Variants in GALNT13 observed in about 807,000 individuals in gnomAD.
The protein encoded by GALNT13 is polypeptide N-acetylgalactosaminyltransferase 13.
Under a neutral mutation model 64.2 loss-of-function variants are expected in GALNT13, and 28 were observed. The observed-to-expected ratio is 0.44, with a 90% confidence interval of 0.32 to 0.60. The LOEUF (loss-of-function observed/expected upper bound fraction) is 0.60, where lower values mean the gene tolerates loss of function less well. Ranked by LOEUF, GALNT13 falls within the 20% of genes least tolerant of loss-of-function variation. The probability of loss-of-function intolerance (pLI) is 0.05; values close to 1 mark genes in which losing one functional copy is unlikely to be tolerated. For synonymous variants in GALNT13, 214 were observed against 224.6 expected, an observed-to-expected ratio of 0.95 and a Z score of 0.42; for missense variants, 577 against 669.8, an observed-to-expected ratio of 0.86 and a Z score of 1.53.
At chr2:153,585,688 C>T in the GALNT13 span, among the ~76,000 whole-genome samples, 2 of 151,990 alleles carry the variant, frequency 1.3e-5, no homozygotes, top group Admixed American at 6.6e-5. Context: ...GAGGAAACTG[C>T]TCGGTCATCT....
chr2:154,351,819 G>A (rs1465497173), intron 9 of GALNT13, among the ~76,000 whole-genome samples: 3 of 149,584 alleles, frequency 2.0e-5, no homozygotes, highest in African/African-American at 7.4e-5. Context: ...GAATAGTGTA[G>A]GTTCTAAACA....
the GALNT13 span, among the ~76,000 whole-genome samples, chr2:153,622,987 C>T: frequency 6.6e-6 from 1 of 152,048 alleles, no homozygotes; most frequent in Non-Finnish European, 1.5e-5. Flanking sequence ...CTTGTAAGGT[C>T]TGTGATAATA....
At chr2:154,447,046 T>C (rs1701623324) in intron 12 of GALNT13, among the ~76,000 whole-genome samples, 1 of 151,754 alleles carries the variant, frequency 6.6e-6, no homozygotes, top group Non-Finnish European at 1.5e-5. Context: ...TATTATGAAA[T>C]ATTAACTCTC....
chr2:153,495,008 T>C, the GALNT13 span, among the ~76,000 whole-genome samples: 1 of 152,110 alleles, frequency 6.6e-6, no homozygotes, highest in Admixed American at 6.6e-5. Flanking sequence ...GCATTTAAAA[T>C]CAGAATGAGA....
chr2:154,085,099 G>A (rs1394552864), intron 3 of GALNT13, among the ~76,000 whole-genome samples: 1 of 151,884 alleles, frequency 6.6e-6, no homozygotes, highest in Non-Finnish European at 1.5e-5. Context: ...AGGCATGGTA[G>A]TCCTCCTTCC....
At chr2:153,203,405 G>C in the GALNT13 span, among the ~76,000 whole-genome samples, 1 of 152,162 alleles carries the variant, frequency 6.6e-6, no homozygotes, top group African/African-American at 2.4e-5. Context: ...AGGCAATATA[G>C]TTTAACATTA....
chr2:154,309,225 C>T (rs926682624), intron 9 of GALNT13, among the ~76,000 whole-genome samples: 3 of 152,150 alleles, frequency 2.0e-5, no homozygotes, highest in African/African-American at 7.2e-5. Flanking sequence ...CTTACATTTT[C>T]CTAGATTCCT....
the GALNT13 span, among the ~76,000 whole-genome samples, chr2:153,254,279 A>C: frequency 3.9e-5 from 6 of 151,996 alleles, no homozygotes; most frequent in African/African-American, 1.5e-4. Context: ...GTATTCTCTG[A>C]TGGTAGTTTG....
chr2:154,382,601 C>G (rs1337250879), intron 9 of GALNT13, among the ~76,000 whole-genome samples: 2 of 151,938 alleles, frequency 1.3e-5, no homozygotes, highest in South Asian at 2.1e-4. Flanking sequence ...AAATTTTCCT[C>G]ATAGATTGTT....
the GALNT13 span, among the ~76,000 whole-genome samples, chr2:153,147,709 A>G: frequency 2.0e-5 from 3 of 151,788 alleles, no homozygotes; most frequent in Non-Finnish European, 4.4e-5. Flanking sequence ...CAATGGATTT[A>G]TAGGGAAATT....
At chr2:153,129,790 G>A in the GALNT13 span, among the ~76,000 whole-genome samples, 1 of 151,436 alleles carries the variant, frequency 6.6e-6, no homozygotes, top group Non-Finnish European at 1.5e-5. Flanking sequence ...GGAACCAATT[G>A]GCAGTAAGTT....
chr2:153,762,990 T>A, the GALNT13 span, among the ~76,000 whole-genome samples: 1 of 151,964 alleles, frequency 6.6e-6, no homozygotes, highest in Non-Finnish European at 1.5e-5. Context: ...TTAACTTTGA[T>A]TGCATTTGCT....
At chr2:154,431,374 A>C (rs764517040) in intron 11 of GALNT13, among the ~76,000 whole-genome samples, 1 of 152,198 alleles carries the variant, frequency 6.6e-6, no homozygotes, top group African/African-American at 2.4e-5. Flanking sequence ...CTAAAGGGTC[A>C]TGAAAAAAGA....
the GALNT13 span, among the ~76,000 whole-genome samples, chr2:153,230,233 GA>G: frequency 2.6e-5 from 4 of 152,110 alleles, no homozygotes; most frequent in Non-Finnish European, 2.9e-5. Flanking sequence ...GGAATTTGGG[GA>G]AGAATTGTTC....
At chr2:153,742,923 G>A in the GALNT13 span, among the ~76,000 whole-genome samples, 16 of 148,958 alleles carry the variant, frequency 1.1e-4, no homozygotes, top group Non-Finnish European at 2.4e-4. Context: ...CTTTTCCAAG[G>A]GAAGGGAAGG....
the GALNT13 span, among the ~76,000 whole-genome samples, chr2:153,245,230 T>C: frequency 1.1e-4 from 16 of 152,242 alleles, no homozygotes; most frequent in African/African-American, 3.4e-4. Flanking sequence ...CTGGTAGCTC[T>C]GAAGAGAGCA....
chr2:153,110,602 A>G, the GALNT13 span, among the ~76,000 whole-genome samples: 1 of 152,000 alleles, frequency 6.6e-6, no homozygotes, highest in Admixed American at 6.6e-5. Context: ...AGGATGTGTG[A>G]TCTTAGGCAG....
the GALNT13 span, among the ~76,000 whole-genome samples, chr2:153,283,967 A>G: frequency 2.6e-5 from 4 of 152,136 alleles, no homozygotes; most frequent in Non-Finnish European, 5.9e-5. Context: ...AAGCACTACA[A>G]TTTAAGCTCA....
intron 7 of GALNT13, among the ~76,000 whole-genome samples, chr2:154,252,205 A>C (rs528147784): frequency 6.6e-6 from 1 of 152,002 alleles, no homozygotes; most frequent in Non-Finnish European, 1.5e-5. Flanking sequence ...TGATGTATCC[A>C]AAGAAAAAAA....
Sources: allele counts gnomAD v4.1 joint callset (sites outside exome capture counted in the v4.1 genomes callset), GRCh38; gene constraint gnomAD v4.1.1; transcripts MANE v1.5; gene names NCBI Gene and HGNC (gene_info 2026-07-23, HGNC 2026-07-21).